The following B3GLCT variants were observed in gnomAD, a reference collection of about 807,000 sequenced individuals.
The protein encoded by B3GLCT is beta-1,3-glucosyltransferase.
A neutral mutation model predicts 63.4 loss-of-function variants in B3GLCT; 65 were observed. The observed-to-expected ratio is 1.03, with a 90% confidence interval of 0.84 to 1.26. B3GLCT has a LOEUF of 1.26. Among genes scored for constraint, B3GLCT ranks in the 50% most tolerant of loss-of-function variants. The pLI, the probability that B3GLCT is intolerant of heterozygous loss-of-function variation, is 0.00. For synonymous variants in B3GLCT, 233 were observed against 219.2 expected (o/e 1.06, Z -0.55); for missense variants, 577 against 604.8 (o/e 0.95, Z 0.48).
chr13:31,301,901 A>C (rs1023672353), intron 12 of B3GLCT, among the ~76,000 whole-genome samples: 1 of 152,140 alleles, frequency 6.6e-6, no homozygotes, highest in East Asian at 1.9e-4. Context: ...TACTTTATTC[A>C]TTCCATTTTT....
In B3GLCT at chr13:31,246,953, T is replaced by TTTC. The variant is rs1354227349; in HGVS notation, c.271-68_271-67insCTT. The stretch of plus-strand genomic sequence containing the variant: ...TCTTTTTTCTTTTCTTTTCTTTTCT[T>TTTC]TTTTTTTTTTTTTACTTTTTTTCGG... On this transcript the variant is annotated intron_variant, in intron 4 of 14. Coordinates refer to ENST00000343307, the MANE Select transcript of B3GLCT (RefSeq NM_194318.4). The TTTC allele has an allele frequency of 9.9e-6, 7 of 706,658 alleles. No homozygotes were observed. In the African/African-American group the frequency reaches 1.6e-4, roughly 17 times the overall value. The allele number at this position is 706,658 out of a possible 1,614,324, so 43.8% of individuals were successfully genotyped here. A position where few individuals can be genotyped will look rare whatever the true frequency, so the allele number is the denominator to read the frequency against.
chr13:31,321,217 T>C (rs542389063), intron 13 of B3GLCT, among the ~76,000 whole-genome samples: 3 of 152,372 alleles, frequency 2.0e-5, no homozygotes, highest in South Asian at 2.1e-4. Flanking sequence ...CTGTCTTTAA[T>C]AGCGCTTTTA....
chr13:31,314,417 A>G (rs1055731509), intron 12 of B3GLCT, among the ~76,000 whole-genome samples: 1 of 152,248 alleles, frequency 6.6e-6, no homozygotes, highest in Non-Finnish European at 1.5e-5. Context: ...CACCTCTTGC[A>G]TCAGTGTTAC....
At chr13:31,236,048 G>C (rs1870630520) in intron 4 of B3GLCT, among the ~76,000 whole-genome samples, 1 of 152,230 alleles carries the variant, frequency 6.6e-6, no homozygotes, top group Non-Finnish European at 1.5e-5. Context: ...TTCCTTGGAT[G>C]CTCATTTGGC....
chr13:31,300,953 C>T (rs142657657), intron 12 of B3GLCT, among the ~76,000 whole-genome samples: 1 of 152,266 alleles, frequency 6.6e-6, no homozygotes, highest in East Asian at 1.9e-4. Flanking sequence ...AGCATCCTTC[C>T]TTCCAAGTTA....
intron 7 of B3GLCT, among the ~76,000 whole-genome samples, chr13:31,261,875 C>T (rs575215963): frequency 2.0e-5 from 3 of 152,306 alleles, no homozygotes; most frequent in Non-Finnish European, 2.9e-5. Context: ...TTGACTACTC[C>T]TTTCACATTT....
At chr13:31,299,890 C>T (rs1011995693) in intron 12 of B3GLCT, among the ~76,000 whole-genome samples, 1 of 152,168 alleles carries the variant, frequency 6.6e-6, no homozygotes, top group Admixed American at 6.5e-5. Context: ...ATCCATTGCC[C>T]TCTTGCCTAA....
At chr13:31,271,010 C>T (rs1237693805) in intron 8 of B3GLCT, among the ~76,000 whole-genome samples, 2 of 152,214 alleles carry the variant, frequency 1.3e-5, no homozygotes, top group African/African-American at 4.8e-5. Flanking sequence ...TTGAAGAGGA[C>T]TCTCCTCCCC....
chr13:31,284,915 C>T (rs1363279735), intron 11 of B3GLCT, among the ~76,000 whole-genome samples, 154 bp downstream of exon 11: 3 of 152,152 alleles, frequency 2.0e-5, no homozygotes, highest in Admixed American at 1.3e-4. Flanking sequence ...TTGGTTCTTT[C>T]AAACTAAGGG....
In B3GLCT at chr13:31,323,874, A is replaced by G; in HGVS notation, c.1308A>G (p.Thr436=). The change falls in exon 14 of 15, where the codon ACA becomes ACG. Residue 436 remains threonine, a synonymous_variant. Transcript: ENST00000343307. ...TTAGTGGCTTGGGAATCCCTGTGAC[A>G]CACAGCCCTCTCTTCCATCAGGTGA... ...MCFSGLGIPV[T]HSPLFHQARP... 6.2e-7 allele frequency: 1 copy of G among 1,614,214 alleles called. No individual in the cohort carries two copies. The highest frequency in any genetic ancestry group is 8.5e-7 in the Non-Finnish European group (1 of 1,180,036).
intron 7 of B3GLCT, among the ~76,000 whole-genome samples, chr13:31,267,793 G>GA (rs1872398816): frequency 6.6e-6 from 1 of 151,012 alleles, no homozygotes; most frequent in African/African-American, 2.4e-5. Flanking sequence ...AAAAACAGTA[G>GA]AAAAAAATGG....
At chr13:31,324,079 G>A (rs1369614742) in intron 14 of B3GLCT, among the ~76,000 whole-genome samples, 184 bp downstream of exon 14, 5 of 152,184 alleles carry the variant, frequency 3.3e-5, no homozygotes, top group South Asian at 2.1e-4. Context: ...TCTCATGTAC[G>A]TCATGAAGAT....
At chr13:31,286,351 A>G (rs56266656) in intron 11 of B3GLCT, among the ~76,000 whole-genome samples, 2,123 of 152,290 alleles carry the variant, frequency 0.014, 15 homozygotes, top group Non-Finnish European at 0.024. Flanking sequence ...GCTCCTTCAG[A>G]ATAAGTTTAT....
chr13:31,257,853 C>A (rs911871787), intron 6 of B3GLCT, among the ~76,000 whole-genome samples: 7 of 152,180 alleles, frequency 4.6e-5, no homozygotes, highest in African/African-American at 1.7e-4. Flanking sequence ...ATTCATTTGA[C>A]AAAAAGTTAC....
At chr13:31,270,820 C>CCTTA (rs201314269) in intron 8 of B3GLCT, among the ~76,000 whole-genome samples, 1,720 of 152,166 alleles carry the variant, frequency 0.011, 21 homozygotes, top group Non-Finnish European at 0.018. Context: ...ATTTTTTGCT[C>CCTTA]CTTAGTTCAG....
At chr13:31,270,417 G>A (rs1235774117) in intron 8 of B3GLCT, among the ~76,000 whole-genome samples, 1 of 152,062 alleles carries the variant, frequency 6.6e-6, no homozygotes, top group African/African-American at 2.4e-5. Flanking sequence ...CTTCCACAAA[G>A]ATGAAAAAAA....
intron 4 of B3GLCT, among the ~76,000 whole-genome samples, chr13:31,230,858 A>ATTAGC (rs1189422884): frequency 6.6e-6 from 1 of 152,036 alleles, no homozygotes; most frequent in Non-Finnish European, 1.5e-5. Context: ...AAATATAAAA[A>ATTAGC]TTAGCTGGGC....
At chr13:31,258,008 A>G (rs1294111979) in intron 6 of B3GLCT, among the ~76,000 whole-genome samples, 2 of 152,160 alleles carry the variant, frequency 1.3e-5, no homozygotes, top group African/African-American at 4.8e-5. Context: ...TCGGATGGTA[A>G]CAAGTGCCGT....
At chr13:31,300,258 G>A (rs901350057) in intron 12 of B3GLCT, among the ~76,000 whole-genome samples, 7 of 152,060 alleles carry the variant, frequency 4.6e-5, no homozygotes, top group South Asian at 4.2e-4. Flanking sequence ...CAGGTAGCAC[G>A]ATCATGTATA....
Sources: gnomAD v4.1 joint callset for allele counts (sites outside exome capture counted in the v4.1 genomes callset) on GRCh38, gnomAD v4.1.1 for gene constraint, MANE v1.5 for transcripts, NCBI Gene and HGNC (gene_info 2026-07-23, HGNC 2026-07-21) for gene names.